The following C5orf47 variants were observed in gnomAD, a reference collection of about 807,000 sequenced individuals.
The protein encoded by C5orf47 is uncharacterized protein C5orf47.
Under a neutral mutation model 20.6 loss-of-function variants are expected in C5orf47, and 20 were observed. That is an observed-to-expected ratio of 0.97 (90% CI 0.68 to 1.41). The LOEUF (loss-of-function observed/expected upper bound fraction) is 1.41. C5orf47 is among the 40% of genes most tolerant of loss of function. The pLI is 0.00. For synonymous variants in C5orf47, 106 were observed against 97.3 expected (o/e 1.09, Z -0.53); for missense variants, 262 against 238.4 (o/e 1.10, Z -0.65).
chr5:173,994,050 C>T (rs918190240), intron 1 of C5orf47, among the ~76,000 whole-genome samples: 2 of 152,160 alleles, frequency 1.3e-5, no homozygotes, highest in Non-Finnish European at 2.9e-5. Context: ...AAAAAGTTGT[C>T]CAGATACCTG....
At position 173,989,261 on chromosome 5, in the gene C5orf47, G is replaced by T; in HGVS notation, c.-3G>T. On this transcript the variant is annotated 5_prime_UTR_variant, in exon 1 of 5. Transcript: ENST00000340147. ...GGCCCGGCTGCCGTTGACTGAGGCT[G>T]CGATGGCGGCGGCAGGCCGGGGTCG... is the stretch of plus-strand genomic sequence containing the variant. 7.2e-7 allele frequency: 1 copy of T among 1,384,026 alleles called. No homozygotes were observed. Among genetic ancestry groups the T allele is most frequent in the East Asian group, 2.9e-5 (1 of 33,902 alleles). The allele number at this position is 1,384,026 out of a possible 1,614,324, so 85.7% of individuals were successfully genotyped here.
chr5:173,990,288 T>A (rs1758967661), intron 1 of C5orf47, among the ~76,000 whole-genome samples: 1 of 143,352 alleles, frequency 7.0e-6, no homozygotes. Context: ...ACTTTTTTTA[T>A]CTTTTGTAGA....
intron 1 of C5orf47, among the ~76,000 whole-genome samples, chr5:173,997,886 C>G (rs958345086): frequency 6.6e-6 from 1 of 152,114 alleles, no homozygotes; most frequent in Non-Finnish European, 1.5e-5. Context: ...TGTTGTTGGT[C>G]TTTTTGGGAC....
intron 4 of C5orf47, among the ~76,000 whole-genome samples, chr5:174,001,646 C>A (rs1759198618): frequency 6.6e-6 from 1 of 152,070 alleles, no homozygotes; most frequent in South Asian, 2.1e-4. Context: ...CTTTTTATGT[C>A]TTAGTATCCT....
intron 1 of C5orf47, among the ~76,000 whole-genome samples, chr5:173,992,319 G>A (rs1028996909): frequency 1.3e-5 from 2 of 151,640 alleles, no homozygotes; most frequent in African/African-American, 2.4e-5. Context: ...AGGCTGAGAC[G>A]GGAGGATTGC....
At chr5:173,997,078 G>T (rs1759111830) in intron 1 of C5orf47, among the ~76,000 whole-genome samples, 1 of 152,158 alleles carries the variant, frequency 6.6e-6, no homozygotes, top group Non-Finnish European at 1.5e-5. Flanking sequence ...TTGTATAGCT[G>T]ATATCTATAG....
chr5:173,991,040 G>A (rs1020283810), intron 1 of C5orf47, among the ~76,000 whole-genome samples: 2 of 152,000 alleles, frequency 1.3e-5, no homozygotes, highest in Non-Finnish European at 1.5e-5. Context: ...CCTCCTTTAC[G>A]CATAAGCCCA....
chr5:173,990,395 A>G (rs1338573079), intron 1 of C5orf47, among the ~76,000 whole-genome samples: 1 of 151,896 alleles, frequency 6.6e-6, no homozygotes, highest in Non-Finnish European at 1.5e-5. Flanking sequence ...CCCTGGGATT[A>G]CATGCATGAG....
chr5:173,989,387 G>A lies in C5orf47; in HGVS notation c.124G>A (p.Gly42Ser). The change falls in exon 1 of 5, where the codon GGT becomes AGT. Residue 42 changes from glycine (G) to serine (S), a missense_variant. Physicochemically the swap from Gly to Ser is moderately conservative, Grantham distance 56. Coordinates refer to ENST00000340147, the MANE Select transcript of C5orf47 (RefSeq NM_001144954.2). The part of the protein sequence containing the change: ...LGGRGAQGLW[G>S]QGPGAGCRQE... The stretch of plus-strand genomic sequence containing the variant: ...CGGCCGTGGAGCTCAAGGCCTTTGG[G>A]GTCAGGGGCCTGGGGCAGGCTGTCG... 3 of 1,540,560 alleles carry A rather than the reference G, an allele frequency of 1.9e-6. No homozygotes were observed. Among genetic ancestry groups the A allele is most frequent in the East Asian group, 2.5e-5 (1 of 40,532 alleles).
intron 1 of C5orf47, among the ~76,000 whole-genome samples, chr5:173,995,556 T>C (rs1279876821): frequency 6.6e-6 from 1 of 152,200 alleles, no homozygotes. Context: ...ATCTGTAAAA[T>C]GGGGGTAATG....
intron 4 of C5orf47, among the ~76,000 whole-genome samples, chr5:174,002,780 A>G (rs1387210990): frequency 1.3e-5 from 2 of 152,104 alleles, no homozygotes; most frequent in Non-Finnish European, 2.9e-5. Flanking sequence ...TTTTTAAAAA[A>G]TTTTGGTACT....
downstream of C5orf47, among the ~76,000 whole-genome samples, chr5:174,006,318 T>G (rs1369432928): frequency 2.6e-5 from 4 of 152,230 alleles, no homozygotes; most frequent in Admixed American, 1.3e-4. Context: ...CTGCAGTGGT[T>G]GTTTCATGCT....
Position 173,997,022 on chromosome 5 carries a change from G to A in C5orf47, c.326-1131G>A, listed in dbSNP as rs145938254. Among the ~76,000 whole-genome samples, 1,195 of 152,264 alleles carry A rather than the reference G, an allele frequency of 7.8e-3. 18 individuals carry two copies. The highest frequency in any genetic ancestry group is 0.025 in the African/African-American group (1,057 of 41,546). ...GCATGTTTCTCACAAATTGCAAAATGCCATTTTAGAGCATATTCTAGTTTA... is the reference window on the plus strand; with the variant it reads ...GCATGTTTCTCACAAATTGCAAAATACCATTTTAGAGCATATTCTAGTTTA... On this transcript the variant is annotated intron_variant, in intron 1 of 4. Transcript: ENST00000340147.
At chr5:173,992,892 C>T (rs892222129) in intron 1 of C5orf47, among the ~76,000 whole-genome samples, 1 of 152,070 alleles carries the variant, frequency 6.6e-6, no homozygotes, top group Non-Finnish European at 1.5e-5. Context: ...GTTCTTTTCA[C>T]CTCAGAAACC....
chr5:174,005,573 A>G lies in C5orf47; in HGVS notation c.*1319A>G, dbSNP rs1191814440. 6.6e-6 allele frequency: 1 copy of G among 152,276 alleles called. No homozygotes were observed. Among genetic ancestry groups the G allele is most frequent in the Non-Finnish European group, 1.5e-5 (1 of 68,014 alleles). The allele number at this position is 152,276 out of a possible 1,614,324, so 9.4% of individuals were successfully genotyped here. A position where few individuals can be genotyped will look rare whatever the true frequency, so the allele number is the denominator to read the frequency against. ...GTTTCCCTGCATTGAGGGTCACACA[A>G]CTTCTTTATATTATGCTGGGTAAAT... is the stretch of plus-strand genomic sequence containing the variant. On this transcript the variant is annotated 3_prime_UTR_variant, in exon 5 of 5. Coordinates refer to ENST00000340147, the MANE Select transcript of C5orf47 (RefSeq NM_001144954.2).
At chr5:174,008,385 G>A (rs2113381938), downstream of C5orf47, among the ~76,000 whole-genome samples, 1 of 152,342 alleles carries the variant, frequency 6.6e-6, no homozygotes. Context: ...CCTGCTGCTG[G>A]AGTCATATGA....
chr5:174,005,650 G>A lies in C5orf47; in HGVS notation c.*1396G>A, dbSNP rs1481065330. 1.3e-5 allele frequency: 2 copies of A among 152,310 alleles called. No individual in the cohort carries two copies. The highest frequency in any genetic ancestry group is 2.9e-5 in the Non-Finnish European group (2 of 68,026). 9.4% of individuals were successfully genotyped at this position (152,310 alleles called of 1,614,324 possible). A position where few individuals can be genotyped will look rare whatever the true frequency, so the allele number is the denominator to read the frequency against. Reference sequence around the variant, plus strand: ...GCTTCAAATTTTAGCTTATGCAACTGAAGTCCATTGCAAAATGAGACATAT... The same window carrying A: ...GCTTCAAATTTTAGCTTATGCAACTAAAGTCCATTGCAAAATGAGACATAT... On this transcript the variant is annotated 3_prime_UTR_variant, in exon 5 of 5. Transcript: ENST00000340147.
intron 4 of C5orf47, among the ~76,000 whole-genome samples, chr5:174,002,261 G>A (rs867412767): frequency 2.2e-4 from 34 of 152,028 alleles, no homozygotes; most frequent in African/African-American, 7.7e-4. Context: ...GTGTCCAGCC[G>A]AGAGTATATT....
downstream of C5orf47, among the ~76,000 whole-genome samples, chr5:174,008,932 A>G (rs1253479610): frequency 3.9e-5 from 6 of 152,086 alleles, no homozygotes; most frequent in African/African-American, 1.4e-4. Context: ...CTGGGACTTC[A>G]CTTTATAAAT....
Sources: allele counts gnomAD v4.1 joint callset (sites outside exome capture counted in the v4.1 genomes callset), GRCh38; gene constraint gnomAD v4.1.1; transcripts MANE v1.5; gene names NCBI Gene and HGNC (gene_info 2026-07-23, HGNC 2026-07-21).